SLC25A21: variants seen among roughly 807,000 people sequenced by gnomAD.
SLC25A21 encodes mitochondrial 2-oxodicarboxylate carrier.
A neutral mutation model predicts 43.8 loss-of-function variants in SLC25A21; 47 were observed. The ratio of observed to expected loss-of-function variants is 1.07; its 90% confidence interval spans 0.85 to 1.37. SLC25A21 has a LOEUF of 1.37. Ranked by LOEUF, SLC25A21 falls within the 40% of genes most tolerant of loss-of-function variation. The probability of loss-of-function intolerance (pLI) is 0.00; values close to 1 mark genes in which losing one functional copy is unlikely to be tolerated. For synonymous variants in SLC25A21, 131 were observed against 121.3 expected, an observed-to-expected ratio of 1.08 and a Z score of -0.52; for missense variants, 352 against 350.2, an observed-to-expected ratio of 1.00 and a Z score of -0.04.
chr14:36,864,280 A>G (rs1890150666), intron 2 of SLC25A21, among the ~76,000 whole-genome samples: 1 of 152,222 alleles, frequency 6.6e-6, no homozygotes, highest in Non-Finnish European at 1.5e-5. Flanking sequence ...GTGGCATTTT[A>G]AAGCACATAT....
chr14:36,867,821 GTA>G (rs1890256091), intron 2 of SLC25A21, among the ~76,000 whole-genome samples: 2 of 136,892 alleles, frequency 1.5e-5, no homozygotes, highest in East Asian at 4.3e-4. Flanking sequence ...GTGTGTGTGT[GTA>G]CACTCATTTA....
intron 2 of SLC25A21, among the ~76,000 whole-genome samples, chr14:36,837,745 A>T (rs1459599370): frequency 6.6e-6 from 1 of 152,170 alleles, no homozygotes; most frequent in African/African-American, 2.4e-5. Flanking sequence ...ACACTCCTAC[A>T]ACTCACTTGT....
At chr14:36,915,133 T>C (rs7161367) in intron 1 of SLC25A21, among the ~76,000 whole-genome samples, 1,890 of 152,262 alleles carry the variant, frequency 0.012, 36 homozygotes, top group African/African-American at 0.042. Flanking sequence ...GTAAGGTCTG[T>C]GTTGTCAAAA....
intron 1 of SLC25A21, among the ~76,000 whole-genome samples, chr14:36,911,068 T>C (rs1000996247): frequency 6.6e-6 from 1 of 152,186 alleles, no homozygotes; most frequent in Non-Finnish European, 1.5e-5. Flanking sequence ...GCAGTGGCCA[T>C]GAAGCAGGGA....
chr14:37,155,257 C>A (rs1007502578), intron 1 of SLC25A21, among the ~76,000 whole-genome samples: 5 of 151,832 alleles, frequency 3.3e-5, no homozygotes, highest in African/African-American at 1.2e-4. Flanking sequence ...TTTGAAGAGA[C>A]TTGAAAGAAT....
At chr14:36,768,509 C>T (rs185179356) in intron 3 of SLC25A21, among the ~76,000 whole-genome samples, 1 of 152,278 alleles carries the variant, frequency 6.6e-6, no homozygotes, top group Admixed American at 6.5e-5. Flanking sequence ...TTCTGACATA[C>T]ACAGGCTTTC....
intron 3 of SLC25A21, among the ~76,000 whole-genome samples, chr14:36,788,342 C>T (rs1887324275): frequency 6.6e-6 from 1 of 151,796 alleles, no homozygotes; most frequent in Non-Finnish European, 1.5e-5. Flanking sequence ...AGTCTGTCAT[C>T]AGGGCTCTGA....
intron 1 of SLC25A21, among the ~76,000 whole-genome samples, chr14:37,147,757 A>C (rs909735992): frequency 5.3e-5 from 8 of 151,972 alleles, no homozygotes; most frequent in African/African-American, 1.9e-4. Flanking sequence ...GATTTTTGAA[A>C]CATGACATAT....
chr14:37,023,765 G>A (rs1453899767), intron 1 of SLC25A21, among the ~76,000 whole-genome samples: 1 of 151,594 alleles, frequency 6.6e-6, no homozygotes, highest in Admixed American at 6.6e-5. Flanking sequence ...ATTCTCTCAT[G>A]TGTGCTCTCA....
chr14:36,852,868 G>A (rs962564257), intron 2 of SLC25A21, among the ~76,000 whole-genome samples: 10 of 152,150 alleles, frequency 6.6e-5, no homozygotes, highest in South Asian at 2.1e-4. Flanking sequence ...AAAATTTTAC[G>A]TAGAAACTTA....
intron 7 of SLC25A21, among the ~76,000 whole-genome samples, chr14:36,701,829 C>G (rs1883291638): frequency 6.6e-6 from 1 of 152,078 alleles, no homozygotes; most frequent in Non-Finnish European, 1.5e-5. Flanking sequence ...TCTCTCTGTT[C>G]CTTGACTCAA....
At position 36,679,590 on chromosome 14, in the gene SLC25A21, A is replaced by C. The variant is rs1882102584; in HGVS notation, c.*1068T>G. ...ACATGTTAGTATAGTAATCCTTAGA[A>C]ATGCTAAGTGTATTTCTTTTTCAGA... On this transcript the variant is annotated 3_prime_UTR_variant, in exon 10 of 10. Transcript: ENST00000331299. 1.1e-5 allele frequency: 11 copies of C among 985,410 alleles called. No homozygotes were observed. In the South Asian group the frequency reaches 2.8e-4, roughly 25 times the overall value. The allele number at this position is 985,410 out of a possible 1,614,324, so 61.0% of individuals were successfully genotyped here.
At chr14:37,048,421 G>T (rs1285280581) in intron 1 of SLC25A21, among the ~76,000 whole-genome samples, 1 of 151,792 alleles carries the variant, frequency 6.6e-6, no homozygotes, top group African/African-American at 2.4e-5. Flanking sequence ...AAAGCTATGA[G>T]ACTGGTGGAG....
At chr14:36,790,986 C>CT (rs869114110) in intron 3 of SLC25A21, among the ~76,000 whole-genome samples, 1 of 148,194 alleles carries the variant, frequency 6.7e-6, no homozygotes, top group African/African-American at 2.5e-5. Context: ...AAATATCTTT[C>CT]TTTTTTTATT....
At chr14:37,149,576 T>A (rs1963724132) in intron 1 of SLC25A21, among the ~76,000 whole-genome samples, 1 of 151,924 alleles carries the variant, frequency 6.6e-6, no homozygotes, top group South Asian at 2.1e-4. Flanking sequence ...GCGCCTGTAG[T>A]CCCAGCTACT....
At chr14:36,920,693 AG>A (rs575073534) in intron 1 of SLC25A21, among the ~76,000 whole-genome samples, 47 of 152,190 alleles carry the variant, frequency 3.1e-4, no homozygotes, top group African/African-American at 1.1e-3. Context: ...AGATAACTAC[AG>A]TAGACAAAAG....
At chr14:36,876,397 T>C (rs114121520) in intron 1 of SLC25A21, among the ~76,000 whole-genome samples, 1,958 of 152,290 alleles carry the variant, frequency 0.013, 50 homozygotes, top group African/African-American at 0.044. Flanking sequence ...AGATCCAATA[T>C]GGATGATGTT....
At chr14:36,778,108 G>C (rs1028520830) in intron 3 of SLC25A21, among the ~76,000 whole-genome samples, 1 of 152,016 alleles carries the variant, frequency 6.6e-6, no homozygotes, top group Admixed American at 6.5e-5. Flanking sequence ...CTACCTCTTT[G>C]GTTACTCCTT....
At chr14:36,880,338 T>C (rs1890678334) in intron 1 of SLC25A21, among the ~76,000 whole-genome samples, 1 of 152,192 alleles carries the variant, frequency 6.6e-6, no homozygotes, top group Admixed American at 6.5e-5. Context: ...CTGGGTTATC[T>C]ACCTCCAGAC....
Sources: gnomAD v4.1 joint callset for allele counts (sites outside exome capture counted in the v4.1 genomes callset) on GRCh38, gnomAD v4.1.1 for gene constraint, MANE v1.5 for transcripts, NCBI Gene and HGNC (gene_info 2026-07-23, HGNC 2026-07-21) for gene names.